Variants in TUSC3 observed in about 807,000 individuals in gnomAD.
TUSC3 encodes the protein tumor suppressor candidate 3, also known as dolichyl-diphosphooligosaccharide--protein glycosyltransferase subunit TUSC3.
TUSC3 carries 45 observed loss-of-function variants against 44.8 expected under a neutral mutation model. That is an observed-to-expected ratio of 1.00 (90% CI 0.79 to 1.29). TUSC3 has a LOEUF of 1.29. Among genes scored for constraint, TUSC3 ranks in the 50% most tolerant of loss-of-function variants. The pLI, the probability that TUSC3 is intolerant of heterozygous loss-of-function variation, is 0.00. For missense variants in TUSC3, 519 were observed against 437.9 expected, an observed-to-expected ratio of 1.19 and a Z score of -1.65; for synonymous variants, 212 against 152.9, an observed-to-expected ratio of 1.39 and a Z score of -2.85.
rs186049116 is a variant in TUSC3 at position 15,598,689 on chromosome 8, T to C, written c.139-24391T>C. On this transcript the variant is annotated intron_variant, in intron 1 of 10. Coordinates refer to ENST00000503731, the MANE Select transcript of TUSC3 (RefSeq NM_006765.4). The stretch of plus-strand genomic sequence containing the variant: ...TCAGAATGTCATAAAGTTGGAATCA[T>C]ACAGTATATAGCCTTTTCAGATTGG... Among the ~76,000 whole-genome samples, 75 of 151,982 alleles carry C rather than the reference T, an allele frequency of 4.9e-4. 1 individual carries two copies. In the East Asian group the frequency reaches 0.014, roughly 27 times the overall value.
the TUSC3 span, among the ~76,000 whole-genome samples, chr8:15,821,229 T>G: frequency 6.6e-6 from 1 of 152,184 alleles, no homozygotes; most frequent in Non-Finnish European, 1.5e-5. Flanking sequence ...CTGGCCTTCA[T>G]GATTGCAGAT....
Position 15,586,123 on chromosome 8 carries a change from A to G in TUSC3, c.139-36957A>G, listed in dbSNP as rs114746192. On this transcript the variant is annotated intron_variant, in intron 1 of 10. Transcript: ENST00000503731. Reference sequence around the variant, plus strand: ...TTAACAGTGCTAAATAATTATGTTCATATAAGGTCAAGTCAGAGAAGTATC... The same window carrying G: ...TTAACAGTGCTAAATAATTATGTTCGTATAAGGTCAAGTCAGAGAAGTATC... Among the ~76,000 whole-genome samples, 1,191 of 152,300 alleles carry G rather than the reference A, an allele frequency of 7.8e-3. 9 individuals carry two copies. The highest frequency in any genetic ancestry group is 0.02 in the Middle Eastern group (6 of 294).
At chr8:15,785,496 A>G in the TUSC3 span, among the ~76,000 whole-genome samples, 1 of 150,542 alleles carries the variant, frequency 6.6e-6, no homozygotes, top group East Asian at 1.9e-4. Flanking sequence ...ACCTTTCTTG[A>G]ACTACCATCC....
intron 2 of TUSC3, among the ~76,000 whole-genome samples, chr8:15,624,656 C>A (rs1482368541): frequency 6.6e-6 from 1 of 152,086 alleles, no homozygotes; most frequent in African/African-American, 2.4e-5. Context: ...TAATTGGATT[C>A]TTTAAATGAG....
chr8:15,740,746 C>G lies in TUSC3; in HGVS notation c.863-2792C>G, dbSNP rs78893237. On this transcript the variant is annotated intron_variant, in intron 7 of 10. Coordinates refer to ENST00000503731, the MANE Select transcript of TUSC3 (RefSeq NM_006765.4). ...ATTGTACGTAGCGAATTTGAAAATA[C>G]ACTTACCAAACCTCTCAAAAATTCC... Among the ~76,000 whole-genome samples the G allele has an allele frequency of 1.7e-3, 252 of 152,270 alleles. 6 individuals carry two copies. In the East Asian group the frequency reaches 0.042, roughly 26 times the overall value.
chr8:15,748,686 A>T, intron 9 of TUSC3: 3 of 682,364 alleles, frequency 4.4e-6, no homozygotes, highest in South Asian at 4.1e-5. Flanking sequence ...GTTTCTTTCT[A>T]GACATACATA....
chr8:15,730,155 A>G (rs1295642235), intron 6 of TUSC3, among the ~76,000 whole-genome samples: 1 of 152,156 alleles, frequency 6.6e-6, no homozygotes, highest in Non-Finnish European at 1.5e-5. Context: ...TATCAACTAT[A>G]TACTACTCAG....
rs181387843 is a variant in TUSC3, at chr8:15,635,643, C to T, written c.308+12394C>T. ...AATAGTAGTAAGGTGCCAGTGGTAG[C>T]CCCGACAAAAGAACAAAGGCTCATT... On this transcript the variant is annotated intron_variant, in intron 2 of 10. Coordinates refer to ENST00000503731, the MANE Select transcript of TUSC3 (RefSeq NM_006765.4). Among the ~76,000 whole-genome samples the T allele has an allele frequency of 3.0e-3, 457 of 152,274 alleles. 6 individuals are homozygous for T. The highest frequency in any genetic ancestry group is 0.011 in the African/African-American group (442 of 41,556).
At chr8:15,627,035 C>A (rs1437657133) in intron 2 of TUSC3, among the ~76,000 whole-genome samples, 1 of 152,004 alleles carries the variant, frequency 6.6e-6, no homozygotes, top group African/African-American at 2.4e-5. Flanking sequence ...GGTACTTTTT[C>A]CTACTCTCAC....
At chr8:15,638,864 T>A (rs1405210735) in intron 2 of TUSC3, among the ~76,000 whole-genome samples, 1 of 152,194 alleles carries the variant, frequency 6.6e-6, no homozygotes. Context: ...ATTATGATCA[T>A]GTGTTGATGC....
chr8:15,492,767 T>C (rs1800824758), intron 2 of TUSC3, among the ~76,000 whole-genome samples: 1 of 150,388 alleles, frequency 6.6e-6, no homozygotes, highest in African/African-American at 2.4e-5. Context: ...TGAGATCCCG[T>C]TCTCCATAAA....
chr8:15,689,863 T>TGTGTGTAAA (rs1554475557), intron 6 of TUSC3, among the ~76,000 whole-genome samples: 1 of 14,784 alleles, frequency 6.8e-5, no homozygotes, highest in African/African-American at 1.1e-4. Context: ...TGTGTGTGTG[T>TGTGTGTAAA]ATAAATATAT....
chr8:15,639,821 A>T (rs1202656089), intron 2 of TUSC3, among the ~76,000 whole-genome samples: 1 of 148,694 alleles, frequency 6.7e-6, no homozygotes, highest in Admixed American at 6.7e-5. Context: ...GACTTAGTAC[A>T]GTCAGTCAAT....
intron 2 of TUSC3, among the ~76,000 whole-genome samples, chr8:15,533,148 C>T (rs1019969005): frequency 2.0e-5 from 3 of 152,146 alleles, no homozygotes; most frequent in East Asian, 1.9e-4. Context: ...TCTTTACGTG[C>T]CACCATCCAC....
At chr8:15,833,232 GA>G in the TUSC3 span, among the ~76,000 whole-genome samples, 1 of 152,140 alleles carries the variant, frequency 6.6e-6, no homozygotes, top group Non-Finnish European at 1.5e-5. Context: ...AGGTTGCGGA[GA>G]AAAAGGAACA....
At chr8:15,674,599 C>G (rs1438240489) in intron 6 of TUSC3, among the ~76,000 whole-genome samples, 1 of 151,786 alleles carries the variant, frequency 6.6e-6, no homozygotes, top group Non-Finnish European at 1.5e-5. Context: ...CTTGTTTCAT[C>G]TTTCTTTCTG....
chr8:15,622,136 C>T (rs1250911926), intron 1 of TUSC3, among the ~76,000 whole-genome samples: 1 of 152,116 alleles, frequency 6.6e-6, no homozygotes, highest in Non-Finnish European at 1.5e-5. Flanking sequence ...TTAAATGGCA[C>T]ATTTCAAGCC....
At chr8:15,437,281 G>C (rs566239475) in intron 1 of TUSC3, among the ~76,000 whole-genome samples, 4 of 152,244 alleles carry the variant, frequency 2.6e-5, no homozygotes, top group Admixed American at 6.5e-5. Flanking sequence ...TATTTCATCA[G>C]ATAAAAGCAA....
intron 1 of TUSC3, among the ~76,000 whole-genome samples, chr8:15,451,384 C>T (rs1024966729): frequency 6.6e-6 from 1 of 152,086 alleles, no homozygotes; most frequent in Non-Finnish European, 1.5e-5. Context: ...TTTCAGCCCC[C>T]TGACCTTCTC....
Sources: gnomAD v4.1 joint callset for allele counts (sites outside exome capture counted in the v4.1 genomes callset) on GRCh38, gnomAD v4.1.1 for gene constraint, MANE v1.5 for transcripts, NCBI Gene and HGNC (gene_info 2026-07-23, HGNC 2026-07-21) for gene names.